The following INTS9 variants were observed in gnomAD, a reference collection of about 807,000 sequenced individuals.
INTS9 encodes the protein protein related to CPSF subunits of 74 kDa.
A neutral mutation model predicts 79.7 loss-of-function variants in INTS9; 55 were observed. That is an observed-to-expected ratio of 0.69 (90% CI 0.56 to 0.86). The LOEUF (loss-of-function observed/expected upper bound fraction) is 0.86, where lower values mean the gene tolerates loss of function less well. Ranked by LOEUF, INTS9 falls within the 40% of genes least tolerant of loss-of-function variation. INTS9 has a pLI of 0.00. For missense variants in INTS9, 721 were observed against 831.5 expected (o/e 0.87, Z 1.64); for synonymous variants, 319 against 325.2 (o/e 0.98, Z 0.20).
chr8:28,865,375 G>A (rs1159740358), intron 1 of INTS9, among the ~76,000 whole-genome samples: 1 of 151,746 alleles, frequency 6.6e-6, no homozygotes, highest in Non-Finnish European at 1.5e-5. Context: ...GGGAGGTTGA[G>A]GCAAGAGGAC....
Position 28,770,524 on chromosome 8 carries a change from G to A in INTS9, c.1662+458C>T, listed in dbSNP as rs113225495. On this transcript the variant is annotated intron_variant, in intron 15 of 16. Coordinates refer to ENST00000521022, the MANE Select transcript of INTS9 (RefSeq NM_018250.4). ...CAAGGACCCAGCACAGGGTCTAATA[G>A]ACTTTAAGTGGTAGCTAGGAGCAAC... 3.3e-3 allele frequency among the ~76,000 whole-genome samples: 502 copies of A among 152,354 alleles called. 1 individual carries two copies. Among genetic ancestry groups the A allele is most frequent in the Non-Finnish European group, 5.2e-3 (355 of 68,034 alleles).
chr8:28,874,322 C>T (rs145398776), intron 1 of INTS9, among the ~76,000 whole-genome samples: 4,800 of 150,944 alleles, frequency 0.032, 266 homozygotes, highest in African/African-American at 0.11. Flanking sequence ...CAGAGTCTCG[C>T]TCTGTCACCC....
At chr8:28,846,993 A>C (rs1807556836) in intron 3 of INTS9, among the ~76,000 whole-genome samples, 184 bp from the exon 4 acceptor site, 1 of 152,204 alleles carries the variant, frequency 6.6e-6, no homozygotes, top group African/African-American at 2.4e-5. Context: ...TGTCTTATTA[A>C]GGGTAAAATG....
Position 28,822,437 on chromosome 8 carries a change from C to T in INTS9, c.489-8825G>A, listed in dbSNP as rs75803697. ...CTCCACCACAACTATTCAACTTAGC[C>T]GTGTAATAGCATACACAATATGTAA... On this transcript the variant is annotated intron_variant, in intron 6 of 16. Transcript: ENST00000521022. 3.2e-3 allele frequency among the ~76,000 whole-genome samples: 489 copies of T among 152,232 alleles called. 4 individuals carry two copies. Among genetic ancestry groups the T allele is most frequent in the African/African-American group, 0.011 (443 of 41,550 alleles).
chr8:28,845,011 G>A lies in INTS9; in HGVS notation c.261+1736C>T, dbSNP rs191006802. On this transcript the variant is annotated intron_variant, in intron 4 of 16. Coordinates refer to ENST00000521022, the MANE Select transcript of INTS9 (RefSeq NM_018250.4). ...TCATAATGAAAAACTCCACATGTAA[G>A]TGGACTTTCCCAGTTCAAACTCATA... Among the ~76,000 whole-genome samples the A allele has an allele frequency of 5.6e-3, 850 of 152,238 alleles. 9 individuals carry two copies. Among genetic ancestry groups the A allele is most frequent in the African/African-American group, 0.02 (815 of 41,530 alleles).
rs1563271533 is a variant in INTS9 at position 28,816,822 on chromosome 8, C to A, written c.489-3210G>T. On this transcript the variant is annotated intron_variant, in intron 6 of 16. Transcript: ENST00000521022. ...ACATCCTCTCCAGCACCTGTTGTTT[C>A]CTGACTTTTTAATGATTGCCATTCT... 2.0e-5 allele frequency among the ~76,000 whole-genome samples: 3 copies of A among 151,758 alleles called. No individual in the cohort carries two copies. The East Asian group carries it at 5.8e-4, about 30-fold the overall frequency.
At chr8:28,833,242 AC>A (rs1806601972) in intron 6 of INTS9, among the ~76,000 whole-genome samples, 1 of 152,182 alleles carries the variant, frequency 6.6e-6, no homozygotes, top group African/African-American at 2.4e-5. Context: ...ACTACAAATC[AC>A]TGATCTAGAG....
chr8:28,869,853 A>G (rs916176728), intron 1 of INTS9, among the ~76,000 whole-genome samples: 2 of 152,098 alleles, frequency 1.3e-5, no homozygotes, highest in Admixed American at 6.6e-5. Context: ...GAGTGGCTAG[A>G]TATCACACAC....
chr8:28,809,113 CTTTT>C (rs543880258), intron 8 of INTS9, among the ~76,000 whole-genome samples: 79 of 151,950 alleles, frequency 5.2e-4, no homozygotes, highest in Non-Finnish European at 7.7e-4. Context: ...CCGCACCTGG[CTTTT>C]TTTTATTTTA....
chr8:28,868,105 T>C (rs1360227647), intron 1 of INTS9, among the ~76,000 whole-genome samples: 1 of 152,214 alleles, frequency 6.6e-6, no homozygotes, highest in African/African-American at 2.4e-5. Context: ...ATATTACTTT[T>C]TGCAGAGGTG....
At chr8:28,789,409 A>T (rs2130934516) in intron 10 of INTS9, among the ~76,000 whole-genome samples, 1 of 150,984 alleles carries the variant, frequency 6.6e-6, no homozygotes, top group South Asian at 2.1e-4. Flanking sequence ...AGGCTGAAGG[A>T]CCTGATTAGA....
chr8:28,813,868 C>A (rs560508866), intron 6 of INTS9, among the ~76,000 whole-genome samples: 1 of 152,044 alleles, frequency 6.6e-6, no homozygotes, highest in Non-Finnish European at 1.5e-5. Context: ...TCAAGCGAAT[C>A]TCCTGCCTCA....
chr8:28,873,526 G>A (rs1261318630), intron 1 of INTS9, among the ~76,000 whole-genome samples: 1 of 152,216 alleles, frequency 6.6e-6, no homozygotes, highest in East Asian at 1.9e-4. Context: ...GCAAATGTGA[G>A]ACACAGTGAT....
intron 6 of INTS9, among the ~76,000 whole-genome samples, chr8:28,818,536 A>C (rs1420813184): frequency 1.3e-5 from 2 of 152,082 alleles, no homozygotes; most frequent in African/African-American, 2.4e-5. Context: ...TTTTGATGTG[A>C]TGCTGGATTC....
chr8:28,847,475 ACCACCT>A (rs747521115), intron 3 of INTS9, among the ~76,000 whole-genome samples: 52 of 151,778 alleles, frequency 3.4e-4, no homozygotes, highest in Non-Finnish European at 5.2e-4. Flanking sequence ...CACCACCACT[ACCACCT>A]CCACCTCCAC....
rs1807749716 is a variant in INTS9, at chr8:28,850,136, T to C, written c.198+77A>G. 6.2e-6 allele frequency: 7 copies of C among 1,131,864 alleles called. 1 individual carries two copies. The highest frequency in any genetic ancestry group is 9.2e-6 in the Non-Finnish European group (7 of 760,548). 70.1% of individuals were successfully genotyped at this position (1,131,864 alleles called of 1,614,324 possible). A position where few individuals can be genotyped will look rare whatever the true frequency, so the allele number is the denominator to read the frequency against. ...AAAAAAAAGCCATCAGTCACACTAC[T>C]ACAGGGTGGCTCTGGTATGAGAAGA... On this transcript the variant is annotated intron_variant, in intron 3 of 16. Coordinates refer to ENST00000521022, the MANE Select transcript of INTS9 (RefSeq NM_018250.4).
intron 6 of INTS9, among the ~76,000 whole-genome samples, chr8:28,826,910 A>G (rs1806179472): frequency 6.6e-6 from 1 of 152,192 alleles, no homozygotes; most frequent in Non-Finnish European, 1.5e-5. Context: ...TCTGAATTTC[A>G]TATTTCTGCC....
intron 6 of INTS9, among the ~76,000 whole-genome samples, chr8:28,818,904 T>C (rs1283375515): frequency 6.6e-6 from 1 of 152,160 alleles, no homozygotes; most frequent in African/African-American, 2.4e-5. Flanking sequence ...TCGAGGAATT[T>C]ATCCATTTCT....
At chr8:28,786,778 C>T (rs1051825513) in intron 11 of INTS9, among the ~76,000 whole-genome samples, 14 of 152,066 alleles carry the variant, frequency 9.2e-5, no homozygotes, top group South Asian at 4.1e-4. Context: ...AGTGCAGTGG[C>T]GCGATCTGGG....
Sources: allele counts gnomAD v4.1 joint callset (sites outside exome capture counted in the v4.1 genomes callset), GRCh38; gene constraint gnomAD v4.1.1; transcripts MANE v1.5; gene names NCBI Gene and HGNC (gene_info 2026-07-23, HGNC 2026-07-21).